Variants in PKIG observed in about 807,000 individuals in gnomAD.
PKIG encodes the protein cAMP-dependent protein kinase inhibitor gamma, also known as protein kinase (cAMP-dependent, catalytic) inhibitor gamma.
In PKIG, 1 loss-of-function variant was observed where a neutral mutation model predicts 6.8. That is an observed-to-expected ratio of 0.15 (90% CI 0.05 to 0.69). PKIG has a LOEUF of 0.69. Ranked by LOEUF, PKIG falls within the 30% of genes least tolerant of loss-of-function variation. PKIG has a pLI of 0.82. For synonymous variants in PKIG, 39 were observed against 43.0 expected (o/e 0.91, Z 0.36); for missense variants, 77 against 104.0 (o/e 0.74, Z 1.13).
intron 1 of PKIG, among the ~76,000 whole-genome samples, chr20:44,583,530 T>C (rs1267718647): frequency 1.3e-5 from 2 of 152,112 alleles, no homozygotes; most frequent in Non-Finnish European, 2.9e-5. Context: ...TGGCTTGAGA[T>C]GGCTTGCAGT....
chr20:44,571,813 C>T (rs570693019), intron 1 of PKIG, among the ~76,000 whole-genome samples: 1 of 152,332 alleles, frequency 6.6e-6, no homozygotes, highest in African/African-American at 2.4e-5. Context: ...TCCTGTATGG[C>T]ATGCAATGGG....
At chr20:44,615,398 G>C (rs1002715881) in intron 3 of PKIG, among the ~76,000 whole-genome samples, 26 of 152,236 alleles carry the variant, frequency 1.7e-4, no homozygotes, top group African/African-American at 6.0e-4. Context: ...AAATGTGAGC[G>C]CCGGGAGGGC....
At chr20:44,616,978 A>G (rs1319259544) in intron 3 of PKIG, among the ~76,000 whole-genome samples, 4 of 152,148 alleles carry the variant, frequency 2.6e-5, no homozygotes, top group Admixed American at 2.6e-4. Context: ...AATGCTGCTT[A>G]TTGGAGGAGG....
At chr20:44,595,405 A>T (rs182534096) in intron 2 of PKIG, among the ~76,000 whole-genome samples, 3 of 152,264 alleles carry the variant, frequency 2.0e-5, no homozygotes, top group African/African-American at 7.2e-5. Context: ...CCAGGCCTCT[A>T]GTGTTTCTGC....
intron 2 of PKIG, among the ~76,000 whole-genome samples, chr20:44,608,644 C>T (rs1223749648): frequency 1.3e-5 from 2 of 151,826 alleles, no homozygotes; most frequent in African/African-American, 4.8e-5. Context: ...TAATGAGATT[C>T]CCATCCCTGA....
At chr20:44,538,911 G>A (rs190767583) in intron 1 of PKIG, among the ~76,000 whole-genome samples, 1 of 151,802 alleles carries the variant, frequency 6.6e-6, no homozygotes, top group African/African-American at 2.4e-5. Flanking sequence ...ATGTGTGTCA[G>A]TGTACCTAGC....
At position 44,572,155 on chromosome 20, in the gene PKIG, C is replaced by G. The variant is rs545971550; in HGVS notation, c.-240-10430C>G. ...AGTAGCCGGGATTACAGGTGCCCAC[C>G]ACCACACCCGGCTAATTTTTTTGTG... On this transcript the variant is annotated intron_variant, in intron 1 of 4. Coordinates refer to the PKIG transcript ENST00000372887. 2.6e-5 allele frequency among the ~76,000 whole-genome samples: 4 copies of G among 152,268 alleles called. No individual in the cohort carries two copies. In the South Asian group the frequency reaches 8.3e-4, roughly 32 times the overall value.
intron 1 of PKIG, among the ~76,000 whole-genome samples, chr20:44,569,436 A>G (rs1490241220): frequency 6.6e-6 from 1 of 152,186 alleles, no homozygotes; most frequent in Non-Finnish European, 1.5e-5. Context: ...GAACAGAAAG[A>G]TATAGCGATG....
intron 2 of PKIG, among the ~76,000 whole-genome samples, chr20:44,613,824 A>G (rs2065240360): frequency 6.6e-6 from 1 of 152,100 alleles, no homozygotes; most frequent in Non-Finnish European, 1.5e-5. Flanking sequence ...GGCCTTGCCT[A>G]AAGCCCCTCA....
At chr20:44,575,256 T>C (rs1281375330) in intron 1 of PKIG, among the ~76,000 whole-genome samples, 1 of 152,166 alleles carries the variant, frequency 6.6e-6, no homozygotes, top group East Asian at 1.9e-4. Context: ...AGGCTGGCCG[T>C]CACCCACGCT....
chr20:44,537,697 C>T (rs1169572764), intron 1 of PKIG, among the ~76,000 whole-genome samples: 2 of 151,324 alleles, frequency 1.3e-5, no homozygotes, highest in Non-Finnish European at 2.9e-5. Context: ...CCTGCCTCAG[C>T]GTCCCAAGTA....
chr20:44,545,838 T>C (rs933838693), intron 1 of PKIG, among the ~76,000 whole-genome samples: 1 of 151,998 alleles, frequency 6.6e-6, no homozygotes, highest in Admixed American at 6.6e-5. Context: ...TATATACATA[T>C]ATGTTTCTGC....
chr20:44,615,106 T>G (rs557122874), intron 3 of PKIG, among the ~76,000 whole-genome samples: 24 of 152,084 alleles, frequency 1.6e-4, no homozygotes, highest in Non-Finnish European at 2.9e-4. Flanking sequence ...CAGACCCCAT[T>G]TAAACCATTC....
chr20:44,545,045 C>G (rs2064600731), intron 1 of PKIG, among the ~76,000 whole-genome samples: 1 of 150,034 alleles, frequency 6.7e-6, no homozygotes, highest in Non-Finnish European at 1.5e-5. Context: ...AAGCAATTCC[C>G]CTGCCTCAGC....
chr20:44,599,591 G>A (rs934420409), intron 2 of PKIG, among the ~76,000 whole-genome samples: 28 of 151,970 alleles, frequency 1.8e-4, no homozygotes, highest in South Asian at 6.2e-4. Flanking sequence ...GCATGGTGGC[G>A]CACACCTATA....
intron 2 of PKIG, among the ~76,000 whole-genome samples, chr20:44,610,500 T>TCTTCTCTCTCTCTCTCACACACACACA (rs1555841182): frequency 4.4e-5 from 6 of 135,488 alleles, no homozygotes; most frequent in Admixed American, 7.4e-5. Context: ...TCTCTCTCTC[T>TCTTCTCTCTCTCTCTCACACACACACA]CACACACACA....
chr20:44,587,850 A>G (rs1246349030), intron 1 of PKIG, among the ~76,000 whole-genome samples: 1 of 152,164 alleles, frequency 6.6e-6, no homozygotes, highest in Non-Finnish European at 1.5e-5. Flanking sequence ...GTGGGCTCCA[A>G]TCACTACTAT....
chr20:44,549,945 A>G (rs1200821458), intron 1 of PKIG, among the ~76,000 whole-genome samples: 1 of 152,090 alleles, frequency 6.6e-6, no homozygotes, highest in Non-Finnish European at 1.5e-5. Flanking sequence ...GGAGTTAGGA[A>G]GAGATCTAAA....
chr20:44,616,281 C>T (rs2065263813), intron 3 of PKIG, among the ~76,000 whole-genome samples: 1 of 152,180 alleles, frequency 6.6e-6, no homozygotes, highest in Non-Finnish European at 1.5e-5. Flanking sequence ...GCCCACTGAG[C>T]ATAATGGCCC....
Sources: gnomAD v4.1 joint callset for allele counts (sites outside exome capture counted in the v4.1 genomes callset) on GRCh38, gnomAD v4.1.1 for gene constraint, MANE v1.5 for transcripts, NCBI Gene and HGNC (gene_info 2026-07-23, HGNC 2026-07-21) for gene names.